Variants in HAPLN2 observed in about 807,000 individuals in gnomAD.
HAPLN2 encodes brain link protein-1.
In HAPLN2, 27 loss-of-function variants were observed where a neutral mutation model predicts 29.3. The ratio of observed to expected loss-of-function variants is 0.92; its 90% confidence interval spans 0.68 to 1.27. The LOEUF is 1.27. Ranked by LOEUF, HAPLN2 falls within the 50% of genes most tolerant of loss-of-function variation. The pLI, the probability that HAPLN2 is intolerant of heterozygous loss-of-function variation, is 0.00. For missense variants in HAPLN2, 454 were observed against 484.3 expected (o/e 0.94, Z 0.59); for synonymous variants, 208 against 211.7 (o/e 0.98, Z 0.15).
At position 156,625,371 on chromosome 1, in the gene HAPLN2, ACGCCGAGAATTAGG is replaced by A; in HGVS notation, c.1015_*5del. The A allele has an allele frequency of 6.3e-7, 1 of 1,592,396 alleles. No homozygotes were observed. The highest frequency in any genetic ancestry group is 8.6e-7 in the Non-Finnish European group (1 of 1,169,054). On this transcript the variant is annotated stop_lost and 3_prime_UTR_variant, in exon 7 of 7. Coordinates refer to ENST00000255039, the MANE Select transcript of HAPLN2 (RefSeq NM_021817.3). This position sits in a 1 kb window ranked among gnomAD's most constrained non-coding sequence, Gnocchi z 5.7. ...CAGGCAGCCTATGGGACCTACTGCT[ACGCCGAGAATTAGG>A]CGCCCACCGTGTCCCCTCCAGCGCG...
intron 2 of HAPLN2, among the ~76,000 whole-genome samples, chr1:156,622,155 CA>C (rs1557975229): frequency 6.6e-6 from 1 of 151,730 alleles, no homozygotes; most frequent in Non-Finnish European, 1.5e-5. Context: ...ACTTGTAAGA[CA>C]AAAAAAGTCC....
chr1:156,623,736 G>A, intron 3 of HAPLN2, 71 bp from the exon 4 acceptor site: 1 of 1,478,948 alleles, frequency 6.8e-7, no homozygotes, highest in African/African-American at 1.4e-5. Context: ...AGCATTTGGG[G>A]AGCAGGGTCT....
the HAPLN2 span, among the ~76,000 whole-genome samples, chr1:156,613,857 C>T: frequency 6.6e-5 from 9 of 137,222 alleles, no homozygotes; most frequent in Non-Finnish European, 1.2e-4. Flanking sequence ...GCAGAGGTTG[C>T]ATTGAGCCAA....
At chr1:156,612,917 AAC>A in the HAPLN2 span, among the ~76,000 whole-genome samples, 1 of 152,242 alleles carries the variant, frequency 6.6e-6, no homozygotes, top group Admixed American at 6.5e-5. Context: ...GAAGTGGAAA[AAC>A]ACAATTCTCA....
the HAPLN2 span, among the ~76,000 whole-genome samples, chr1:156,610,594 C>A: frequency 6.6e-6 from 1 of 151,374 alleles, no homozygotes; most frequent in Non-Finnish European, 1.5e-5. Context: ...GAGCCGAGAT[C>A]GCGCCATTGC....
the HAPLN2 span, among the ~76,000 whole-genome samples, chr1:156,604,183 A>G: frequency 6.6e-6 from 1 of 152,206 alleles, no homozygotes; most frequent in African/African-American, 2.4e-5. Flanking sequence ...TATAAAATGG[A>G]AAAATTGGAA....
rs1261932904 is a variant in HAPLN2 at position 156,625,183 on chromosome 1, G to A, written c.822G>A (p.Lys274=). ...GGCGACGCGGCGCCGTGGTGGCCAA[G>A]GTTGGGCACCTCTACGCCGCCTGGA... ...ACRRRGAVVA[K]VGHLYAAWKF... The change falls in exon 7 of 7, where the codon AAG becomes AAA. Residue 274 remains lysine, a synonymous_variant. Coordinates refer to ENST00000255039, the MANE Select transcript of HAPLN2 (RefSeq NM_021817.3). This position sits in a 1 kb window ranked among gnomAD's most constrained non-coding sequence, Gnocchi z 5.7. The A allele has an allele frequency of 1.3e-6, 2 of 1,549,622 alleles. No individual in the cohort carries two copies. Among genetic ancestry groups the A allele is most frequent in the Admixed American group, 2.0e-5 (1 of 51,260 alleles).
rs190743759 is a variant in HAPLN2, at chr1:156,620,570, C to A, written c.-25+412C>A. ...AGTTCTCCTATAAAGAAGTGGTTCT[C>A]TTGCTCATGTTCGCATCCCAGATAC... On this transcript the variant is annotated intron_variant, in intron 2 of 6. Coordinates refer to ENST00000255039, the MANE Select transcript of HAPLN2 (RefSeq NM_021817.3). 2.0e-5 allele frequency among the ~76,000 whole-genome samples: 3 copies of A among 152,336 alleles called. No individual in the cohort carries two copies. In the East Asian group the frequency reaches 5.8e-4, roughly 29 times the overall value.
the HAPLN2 span, among the ~76,000 whole-genome samples, chr1:156,608,632 A>G: frequency 2.8e-3 from 419 of 151,506 alleles, 5 homozygotes; most frequent in African/African-American, 9.7e-3. Context: ...AACCTCCGCT[A>G]CCCAGGTTCA....
At chr1:156,608,484 A>G in the HAPLN2 span, among the ~76,000 whole-genome samples, 2 of 151,982 alleles carry the variant, frequency 1.3e-5, no homozygotes, top group Non-Finnish European at 2.9e-5. Flanking sequence ...CCAAGAAGGG[A>G]GGCAGGGTAT....
the HAPLN2 span, among the ~76,000 whole-genome samples, chr1:156,602,112 A>AT: frequency 0.055 from 8,403 of 151,648 alleles, 341 homozygotes; most frequent in African/African-American, 0.11. Flanking sequence ...TAATTTCTGT[A>AT]TTTTTTTTGT....
At chr1:156,623,600 T>C in intron 3 of HAPLN2, 25 bp downstream of exon 3, 1 of 1,613,530 alleles carries the variant, frequency 6.2e-7, no homozygotes. Flanking sequence ...CAGGCCAGAA[T>C]CTGGGGGAGG....
chr1:156,624,531 C>A (rs891197693), intron 5 of HAPLN2, 64 bp downstream of exon 5: 2 of 1,600,658 alleles, frequency 1.2e-6, no homozygotes, highest in African/African-American at 2.7e-5. Context: ...CGAGAGAGGG[C>A]GCCAGGCGAG....
the HAPLN2 span, among the ~76,000 whole-genome samples, chr1:156,601,826 T>C: frequency 1.3e-5 from 2 of 152,062 alleles, no homozygotes; most frequent in African/African-American, 4.8e-5. Flanking sequence ...GAGTAGGTGA[T>C]AGCTGTGTCC....
chr1:156,618,710 C>T (rs1211307935), upstream of HAPLN2, among the ~76,000 whole-genome samples: 7 of 135,330 alleles, frequency 5.2e-5, no homozygotes, highest in Non-Finnish European at 1.1e-4. Context: ...ACCCGGGAGT[C>T]GGAGCTTGCA....
chr1:156,624,907 C>CA, intron 6 of HAPLN2, 124 bp downstream of exon 6: 2 of 1,144,264 alleles, frequency 1.7e-6, no homozygotes, highest in Non-Finnish European at 2.4e-6. Flanking sequence ...GCCCCCCCAT[C>CA]AGCCCGCCCG....
chr1:156,623,734 G>T, intron 3 of HAPLN2, 73 bp from the exon 4 acceptor site: 1 of 1,480,392 alleles, frequency 6.8e-7, no homozygotes. Flanking sequence ...AAAGCATTTG[G>T]GGAGCAGGGT....
the HAPLN2 span, among the ~76,000 whole-genome samples, chr1:156,603,902 A>G: frequency 6.6e-6 from 1 of 152,222 alleles, no homozygotes; most frequent in African/African-American, 2.4e-5. Context: ...ACACAGTGCT[A>G]TGGGGATAAG....
chr1:156,624,177 C>T lies in HAPLN2; in HGVS notation c.439+17C>T. ...GCTTGGAGGGTGAGGCCCTTCCGCT[C>T]CCGCCCCATTCCTGTGTAGCAGCGG... is the stretch of plus-strand genomic sequence containing the variant. On this transcript the variant is annotated intron_variant, in intron 4 of 6. Coordinates refer to ENST00000255039, the MANE Select transcript of HAPLN2 (RefSeq NM_021817.3). 6.2e-7 allele frequency: 1 copy of T among 1,606,530 alleles called. No homozygotes were observed. Among genetic ancestry groups the T allele is most frequent in the African/African-American group, 1.3e-5 (1 of 74,850 alleles).
Sources: gnomAD v4.1 joint callset for allele counts (sites outside exome capture counted in the v4.1 genomes callset) on GRCh38, gnomAD v4.1.1 for gene constraint, Gnocchi (gnomAD v3.1) non-coding constraint, MANE v1.5 for transcripts, NCBI Gene and HGNC (gene_info 2026-07-23, HGNC 2026-07-21) for gene names.